Variants in TEAD1 observed in about 807,000 individuals in gnomAD.
The protein encoded by TEAD1 is TEA domain transcription factor 1, also known as transcriptional enhancer factor TEF-1.
A neutral mutation model predicts 54.9 loss-of-function variants in TEAD1; 9 were observed. The observed-to-expected ratio is 0.16, with a 90% confidence interval of 0.10 to 0.29. The LOEUF is 0.29. Among genes scored for constraint, TEAD1 ranks in the 10% least tolerant of loss-of-function variants. TEAD1 has a pLI of 1.00. For missense variants in TEAD1, 387 were observed against 535.9 expected (o/e 0.72, Z 2.74); for synonymous variants, 200 against 187.8 (o/e 1.07, Z -0.53).
In TEAD1 at chr11:12,901,944, A is replaced by G. The variant is rs199983484; in HGVS notation, c.704A>G (p.Asn235Ser). ...GTTTCTGTTGGTTTCTTACAGTACA[A>G]CAAACACCTCTTCGTGCACATTGGG... Residue 235 changes from asparagine (N) to serine (S), a missense_variant, in exon 10 of 13, where the codon AAC becomes AGC. This residue lies in a region of TEAD1 where 180 missense variants were observed against 180.6 expected (regional missense o/e 1.00). Coordinates refer to ENST00000527636, the MANE Select transcript of TEAD1 (RefSeq NM_021961.6). 163 of 1,614,186 alleles carry G rather than the reference A, an allele frequency of 1.0e-4. No homozygotes were observed. The highest frequency in any genetic ancestry group is 1.3e-4 in the Non-Finnish European group (156 of 1,180,030).
chr11:12,741,173 T>C (rs1467743163), intron 2 of TEAD1, among the ~76,000 whole-genome samples: 3 of 152,216 alleles, frequency 2.0e-5, no homozygotes, highest in Non-Finnish European at 2.9e-5. Context: ...TGAGAAATTT[T>C]CCCTTATGTT....
chr11:12,743,348 C>G (rs1944684006), intron 2 of TEAD1, among the ~76,000 whole-genome samples: 1 of 152,104 alleles, frequency 6.6e-6, no homozygotes, highest in African/African-American at 2.4e-5. Flanking sequence ...GTAGGCAGGA[C>G]CTAACTCTTC....
intron 3 of TEAD1, among the ~76,000 whole-genome samples, chr11:12,859,844 C>G (rs527737447): frequency 6.6e-6 from 1 of 152,040 alleles, no homozygotes; most frequent in Non-Finnish European, 1.5e-5. Flanking sequence ...TATCAGAAGA[C>G]GAGCCCGTAT....
intron 3 of TEAD1, among the ~76,000 whole-genome samples, chr11:12,783,375 A>G (rs1031163400): frequency 3.9e-5 from 6 of 152,048 alleles, no homozygotes; most frequent in Non-Finnish European, 1.5e-5. Context: ...AAAGCTTTGC[A>G]GTTGGCGCTG....
At chr11:12,731,952 T>G (rs1401491928) in intron 2 of TEAD1, among the ~76,000 whole-genome samples, 1 of 152,192 alleles carries the variant, frequency 6.6e-6, no homozygotes, top group African/African-American at 2.4e-5. Context: ...ATGCCACATT[T>G]CTAATCAGGA....
chr11:12,741,739 C>CT (rs1190253364), intron 2 of TEAD1, among the ~76,000 whole-genome samples: 3 of 152,084 alleles, frequency 2.0e-5, no homozygotes, highest in Non-Finnish European at 2.9e-5. Context: ...GTCAAAAAGT[C>CT]TTTTTTCCCC....
chr11:12,679,624 TA>T (rs1205169895), intron 2 of TEAD1, among the ~76,000 whole-genome samples: 2 of 152,110 alleles, frequency 1.3e-5, no homozygotes, highest in African/African-American at 2.4e-5. Context: ...TGAACTTTTT[TA>T]AAAAAATGCA....
chr11:12,856,126 CTTCCT>C (rs1178282734), intron 3 of TEAD1, among the ~76,000 whole-genome samples: 1 of 112,948 alleles, frequency 8.9e-6, no homozygotes, highest in African/African-American at 3.0e-5. Context: ...GGGTTATCTT[CTTCCT>C]TTTTTTTTTT....
intron 2 of TEAD1, among the ~76,000 whole-genome samples, chr11:12,687,336 T>C (rs1943355332): frequency 6.6e-6 from 1 of 152,214 alleles, no homozygotes; most frequent in Admixed American, 6.5e-5. Context: ...AGTTCACTTT[T>C]AGTTGTGCTC....
At chr11:12,920,361 C>T (rs1186871860) in intron 10 of TEAD1, among the ~76,000 whole-genome samples, 1 of 152,192 alleles carries the variant, frequency 6.6e-6, no homozygotes, top group South Asian at 2.1e-4. Flanking sequence ...TATATATTGA[C>T]AGATTATTTT....
intron 10 of TEAD1, among the ~76,000 whole-genome samples, chr11:12,923,076 T>C (rs1291103897): frequency 1.3e-5 from 2 of 151,416 alleles, no homozygotes; most frequent in African/African-American, 4.8e-5. Flanking sequence ...CCTCCTAGTA[T>C]ATATATATAT....
At chr11:12,715,496 G>T (rs1264403605) in intron 2 of TEAD1, among the ~76,000 whole-genome samples, 1 of 152,128 alleles carries the variant, frequency 6.6e-6, no homozygotes, top group Non-Finnish European at 1.5e-5. Context: ...CCTGGGTGGG[G>T]GGCCCAGGTG....
At chr11:12,935,351 A>G (rs576420131) in intron 12 of TEAD1, among the ~76,000 whole-genome samples, 3 of 152,310 alleles carry the variant, frequency 2.0e-5, no homozygotes, top group South Asian at 2.1e-4. Context: ...ATATGAGACA[A>G]TCTGTGTAAA....
chr11:12,801,040 C>T (rs527523024), intron 3 of TEAD1, among the ~76,000 whole-genome samples: 1 of 152,192 alleles, frequency 6.6e-6, no homozygotes, highest in Non-Finnish European at 1.5e-5. Context: ...GAGATTGAAA[C>T]GAGAAGAGTG....
At chr11:12,909,048 T>G (rs1948573585) in intron 10 of TEAD1, among the ~76,000 whole-genome samples, 1 of 152,174 alleles carries the variant, frequency 6.6e-6, no homozygotes, top group South Asian at 2.1e-4. Flanking sequence ...TTCATCAGCC[T>G]TGACTGGTGC....
intron 3 of TEAD1, among the ~76,000 whole-genome samples, chr11:12,841,564 C>G (rs149989514): frequency 6.6e-6 from 1 of 152,216 alleles, no homozygotes; most frequent in African/African-American, 2.4e-5. Context: ...TCCACATTCC[C>G]CCTCCAGGCT....
intron 10 of TEAD1, among the ~76,000 whole-genome samples, chr11:12,913,126 CG>C (rs1948646375): frequency 6.6e-6 from 1 of 152,110 alleles, no homozygotes; most frequent in Admixed American, 6.5e-5. Flanking sequence ...TTTTGCAAGG[CG>C]TAGTTGGATT....
intron 3 of TEAD1, chr11:12,822,710 A>AT (rs1469031740): frequency 2.0e-5 from 3 of 152,372 alleles, no homozygotes; most frequent in South Asian, 4.1e-4. Flanking sequence ...CTCACAGGAT[A>AT]GTGTGCAGTA....
At chr11:12,831,609 C>T (rs991086663) in intron 3 of TEAD1, among the ~76,000 whole-genome samples, 7 of 151,932 alleles carry the variant, frequency 4.6e-5, no homozygotes, top group Non-Finnish European at 7.4e-5. Context: ...GAGACCTTAT[C>T]TCTACAAACA....
Sources: gnomAD v4.1 joint callset for allele counts (sites outside exome capture counted in the v4.1 genomes callset) on GRCh38, gnomAD v4.1.1 for gene constraint, gnomAD v4.1.1 regional missense constraint, MANE v1.5 for transcripts, NCBI Gene and HGNC (gene_info 2026-07-23, HGNC 2026-07-21) for gene names.